Variants in WASL observed in about 807,000 individuals in gnomAD.
WASL encodes WASP like actin nucleation promoting factor.
Under a neutral mutation model 55.5 loss-of-function variants are expected in WASL, and 20 were observed. The observed-to-expected ratio is 0.36, with a 90% CI of 0.25 to 0.52. WASL has a LOEUF of 0.52. Among genes scored for constraint, WASL ranks in the 20% least tolerant of loss-of-function variants. The probability of loss-of-function intolerance (pLI) is 0.92; values close to 1 mark genes in which losing one functional copy is unlikely to be tolerated. For missense variants in WASL, 504 were observed against 622.5 expected (o/e 0.81, Z 2.03); for synonymous variants, 249 against 217.6 (o/e 1.14, Z -1.27).
At chr7:123,732,348 A>C (rs1804154299) in intron 1 of WASL, among the ~76,000 whole-genome samples, 1 of 152,080 alleles carries the variant, frequency 6.6e-6, no homozygotes, top group South Asian at 2.1e-4. Flanking sequence ...AAAAATAAAA[A>C]ATAAAAATAA....
At chr7:123,694,911 T>C (rs13243738) in intron 7 of WASL, 43 bp from the exon 8 acceptor site, 120,881 of 1,560,482 alleles carry the variant, frequency 0.077, 5,737 homozygotes, top group Admixed American at 0.19. Flanking sequence ...TATATCCCAA[T>C]TTAAAAAACA....
chr7:123,716,648 A>G (rs1584866213), intron 1 of WASL, among the ~76,000 whole-genome samples: 1 of 151,714 alleles, frequency 6.6e-6, no homozygotes, highest in East Asian at 2.0e-4. Flanking sequence ...AGAGAGAGGT[A>G]AAGAGAGAGG....
intron 5 of WASL, among the ~76,000 whole-genome samples, chr7:123,701,421 T>G (rs528095545): frequency 1.3e-5 from 2 of 152,038 alleles, no homozygotes; most frequent in African/African-American, 2.4e-5. Flanking sequence ...AGGAAAACAG[T>G]TGAAAAACAG....
intron 1 of WASL, among the ~76,000 whole-genome samples, chr7:123,742,418 C>T (rs966875463): frequency 2.0e-5 from 3 of 152,176 alleles, no homozygotes; most frequent in Non-Finnish European, 4.4e-5. Flanking sequence ...AATGAATCCC[C>T]ACAGTAACCT....
chr7:123,705,925 A>C (rs1312474134), intron 4 of WASL, among the ~76,000 whole-genome samples: 1 of 152,208 alleles, frequency 6.6e-6, no homozygotes, highest in African/African-American at 2.4e-5. Flanking sequence ...TGCAAAATTA[A>C]AAGTCAATAT....
In WASL at chr7:123,728,706, A is replaced by G. The variant is rs543360093; in HGVS notation, c.118-19483T>C. Among the ~76,000 whole-genome samples the G allele has an allele frequency of 2.6e-5, 4 of 152,114 alleles. No homozygotes were observed. The East Asian group carries it at 7.8e-4, about 30-fold the overall frequency. ...AATACAAAAAAATATGGTAGTGGTGAGCACCTGTAATCCCAGCTACTTGGG... is the reference window on the plus strand; with the variant it reads ...AATACAAAAAAATATGGTAGTGGTGGGCACCTGTAATCCCAGCTACTTGGG... On this transcript the variant is annotated intron_variant, in intron 1 of 10. Coordinates refer to ENST00000223023, the MANE Select transcript of WASL (RefSeq NM_003941.4).
intron 5 of WASL, among the ~76,000 whole-genome samples, chr7:123,703,729 C>G (rs1803624759): frequency 6.6e-6 from 1 of 152,150 alleles, no homozygotes; most frequent in Non-Finnish European, 1.5e-5. Flanking sequence ...CCAACAATCA[C>G]CAATAGCTGT....
chr7:123,734,434 G>A (rs995025114), intron 1 of WASL, among the ~76,000 whole-genome samples: 1 of 152,008 alleles, frequency 6.6e-6, no homozygotes, highest in Non-Finnish European at 1.5e-5. Context: ...AGATATGATA[G>A]CAAAACTATT....
At position 123,692,784 on chromosome 7, in the gene WASL, C is replaced by CAGG. The variant is rs760156239; in HGVS notation, c.907_909dup (p.Pro303dup). On this transcript the variant is annotated inframe_insertion, in exon 9 of 11. Coordinates refer to ENST00000223023, the MANE Select transcript of WASL (RefSeq NM_003941.4). ...GGGGGAGGAGCGCCTCTTCCCCTAG[C>CAGG]AGGAGGAGGAGGAGGACCTGAGTTG... is the stretch of plus-strand genomic sequence containing the variant. 29 of 1,462,498 alleles carry CAGG rather than the reference C, an allele frequency of 2.0e-5. No homozygotes were observed. The highest frequency in any genetic ancestry group is 1.5e-4 in the Admixed American group (6 of 39,342). 90.6% of individuals were successfully genotyped at this position (1,462,498 alleles called of 1,614,324 possible).
chr7:123,734,404 A>T (rs1254679841), intron 1 of WASL, among the ~76,000 whole-genome samples: 1 of 152,166 alleles, frequency 6.6e-6, no homozygotes, highest in Non-Finnish European at 1.5e-5. Flanking sequence ...ATATGGCATT[A>T]GGGAATTGCA....
At chr7:123,690,813 A>G (rs1430361740) in intron 9 of WASL, among the ~76,000 whole-genome samples, 1 of 152,220 alleles carries the variant, frequency 6.6e-6, no homozygotes, top group African/African-American at 2.4e-5. Context: ...AAGGAAAACA[A>G]AAAGGTGGGT....
chr7:123,692,924 T>C (rs921907274), intron 8 of WASL, 57 bp from the exon 9 acceptor site: 2 of 1,327,704 alleles, frequency 1.5e-6, no homozygotes, highest in African/African-American at 1.5e-5. Flanking sequence ...AAACATCATA[T>C]TGAAAAGTAA....
chr7:123,740,309 T>TA (rs36014182), intron 1 of WASL, among the ~76,000 whole-genome samples: 7 of 152,026 alleles, frequency 4.6e-5, no homozygotes, highest in Non-Finnish European at 8.8e-5. Flanking sequence ...TTGGTCTCTT[T>TA]AAAAAAAGGG....
intron 2 of WASL, among the ~76,000 whole-genome samples, 189 bp downstream of exon 2, chr7:123,708,900 G>A (rs759421710): frequency 6.6e-6 from 1 of 151,170 alleles, no homozygotes; most frequent in Non-Finnish European, 1.5e-5. Context: ...TTCACATTCT[G>A]GCTTCAGACA....
At chr7:123,728,260 G>A (rs1332229510) in intron 1 of WASL, among the ~76,000 whole-genome samples, 3 of 152,132 alleles carry the variant, frequency 2.0e-5, no homozygotes, top group East Asian at 3.9e-4. Context: ...GAAAACACTA[G>A]ACTGTCATTA....
In WASL at chr7:123,723,995, T is replaced by A. The variant is rs533045850; in HGVS notation, c.118-14772A>T. 2.1e-4 allele frequency among the ~76,000 whole-genome samples: 32 copies of A among 152,350 alleles called. No homozygotes were observed. The East Asian group carries it at 5.6e-3, about 27-fold the overall frequency. On this transcript the variant is annotated intron_variant, in intron 1 of 10. Transcript: ENST00000223023. ...GACACACTTTTTCATTATATGTATA[T>A]GCTGTTATATACAAGTATATAAGCG...
rs565699393 is a variant in WASL at position 123,743,114 on chromosome 7, A to C, written c.117+5504T>G. On this transcript the variant is annotated intron_variant, in intron 1 of 10. Transcript: ENST00000223023. ...CACTTTGGGAGGTTGAAGCGGACAG[A>C]TCACCTGAGGTCAGGAGTTCGAGAC... Among the ~76,000 whole-genome samples the C allele has an allele frequency of 9.2e-5, 14 of 152,262 alleles. No individual in the cohort carries two copies. In the East Asian group the frequency reaches 2.5e-3, roughly 27 times the overall value.
chr7:123,737,987 A>C lies in WASL; in HGVS notation c.117+10631T>G, dbSNP rs1804266722. On this transcript the variant is annotated intron_variant, in intron 1 of 10. Coordinates refer to ENST00000223023, the MANE Select transcript of WASL (RefSeq NM_003941.4). ...AGTGCTCCTCCAAGTCACTAAGACAAAAACAAATAATCCAATAGAAAATTG... is the reference window on the plus strand; with the variant it reads ...AGTGCTCCTCCAAGTCACTAAGACACAAACAAATAATCCAATAGAAAATTG... 1.3e-5 allele frequency among the ~76,000 whole-genome samples: 2 copies of C among 152,220 alleles called. 1 individual carries two copies. Among genetic ancestry groups the C allele is most frequent in the Admixed American group, 1.3e-4 (2 of 15,282 alleles).
At chr7:123,747,582 G>A (rs369232762) in intron 1 of WASL, among the ~76,000 whole-genome samples, 121 of 152,238 alleles carry the variant, frequency 7.9e-4, no homozygotes, top group African/African-American at 2.8e-3. Flanking sequence ...GTTATAAAAT[G>A]GTATTGCTTT....
Sources: gnomAD v4.1 joint callset for allele counts (sites outside exome capture counted in the v4.1 genomes callset) on GRCh38, gnomAD v4.1.1 for gene constraint, MANE v1.5 for transcripts, NCBI Gene and HGNC (gene_info 2026-07-23, HGNC 2026-07-21) for gene names.